Variants in ONECUT3 observed in about 807,000 individuals in gnomAD.
ONECUT3 encodes the protein one cut homeobox 3.
ONECUT3 carries 11 observed loss-of-function variants against 16.8 expected under a neutral mutation model. The observed-to-expected ratio is 0.66, with a 90% CI of 0.41 to 1.09. The LOEUF (loss-of-function observed/expected upper bound fraction) is 1.09, where lower values mean the gene tolerates loss of function less well. Ranked by LOEUF, ONECUT3 falls within the 50% of genes least tolerant of loss-of-function variation. The probability of loss-of-function intolerance (pLI) is 0.00; values close to 1 mark genes in which losing one functional copy is unlikely to be tolerated. For missense variants in ONECUT3, 637 were observed against 629.9 expected (o/e 1.01, Z -0.12); for synonymous variants, 344 against 310.7 (o/e 1.11, Z -1.13).
In ONECUT3 at chr19:1,762,256, C is replaced by G. The variant is rs2067950061; in HGVS notation, c.1192+7402C>G. Among the ~76,000 whole-genome samples the G allele has an allele frequency of 6.6e-6, 1 of 151,880 alleles. No individual in the cohort carries two copies. The highest frequency in any genetic ancestry group is 1.5e-5 in the Non-Finnish European group (1 of 68,010). On this transcript the variant is annotated intron_variant, in intron 1 of 1. Coordinates refer to ENST00000382349, the MANE Select transcript of ONECUT3 (RefSeq NM_001080488.2). This position sits in a 1 kb window ranked among gnomAD's most constrained non-coding sequence, Gnocchi z 4.4. Reference sequence around the variant, plus strand: ...CAGCTGCGCCCGCCAGCCCTCCAACCCTCCTGCCCTCCTGCCCTCCTGCCC... The same window carrying G: ...CAGCTGCGCCCGCCAGCCCTCCAACGCTCCTGCCCTCCTGCCCTCCTGCCC...
At chr19:1,768,585 C>T (rs1006870111) in intron 1 of ONECUT3, among the ~76,000 whole-genome samples, 1 of 152,194 alleles carries the variant, frequency 6.6e-6, no homozygotes, top group Non-Finnish European at 1.5e-5. Flanking sequence ...AGCTTGGTGG[C>T]CAAGGTCTGT....
Position 1,775,651 on chromosome 19 carries a change from C to A in ONECUT3, c.*206C>A. ...AGGGCCCCCCTTCCTCCCTCCATGCCCACTCCCTCCAGGCCAAAGGAAGCC... is the reference window on the plus strand; with the variant it reads ...AGGGCCCCCCTTCCTCCCTCCATGCACACTCCCTCCAGGCCAAAGGAAGCC... On this transcript the variant is annotated 3_prime_UTR_variant, in exon 2 of 2. Transcript: ENST00000382349. The A allele has an allele frequency of 2.1e-6, 1 of 485,232 alleles. No homozygotes were observed. Among genetic ancestry groups the A allele is most frequent in the Non-Finnish European group, 3.6e-6 (1 of 277,936 alleles). The allele number at this position is 485,232 out of a possible 1,614,324, so 30.1% of individuals were successfully genotyped here.
intron 1 of ONECUT3, among the ~76,000 whole-genome samples, chr19:1,767,269 C>A (rs2068000808): frequency 6.6e-6 from 1 of 152,074 alleles, no homozygotes; most frequent in Non-Finnish European, 1.5e-5. Context: ...TTAGCCCTGC[C>A]GTATTCATTC....
intron 1 of ONECUT3, among the ~76,000 whole-genome samples, chr19:1,771,325 C>T (rs1222217545): frequency 6.6e-6 from 1 of 152,092 alleles, no homozygotes; most frequent in East Asian, 1.9e-4. Flanking sequence ...TTTTTATTTA[C>T]CTCCTCGTTT....
intron 1 of ONECUT3, among the ~76,000 whole-genome samples, chr19:1,756,695 A>ATTTTTTTTTTTTTTTTTTTTTTT (rs58105449): frequency 4.0e-5 from 4 of 101,150 alleles, no homozygotes; most frequent in Non-Finnish European, 1.8e-5. Context: ...ACGCCTGGCT[A>ATTTTTTTTTTTTTTTTTTTTTTT]TTTTTTTTTT....
chr19:1,771,961 G>C (rs952497947), intron 1 of ONECUT3, among the ~76,000 whole-genome samples: 11 of 151,834 alleles, frequency 7.2e-5, no homozygotes, highest in Admixed American at 5.9e-4. Context: ...TTAGAGGCAT[G>C]AGCCACTTCA....
chr19:1,769,954 C>CGA (rs1379180330), intron 1 of ONECUT3, among the ~76,000 whole-genome samples: 5 of 152,220 alleles, frequency 3.3e-5, no homozygotes, highest in African/African-American at 1.2e-4. Flanking sequence ...GGGAAAGGGA[C>CGA]GATATGCATC....
chr19:1,775,084 G>C (rs1424887805), intron 1 of ONECUT3, 69 bp from the exon 2 acceptor site: 3 of 1,095,058 alleles, frequency 2.7e-6, no homozygotes, highest in Non-Finnish European at 3.8e-6. Flanking sequence ...TGCGCCTCCT[G>C]CCTCTCCCCG....
At chr19:1,765,428 G>A (rs1024069101) in intron 1 of ONECUT3, among the ~76,000 whole-genome samples, 3 of 152,130 alleles carry the variant, frequency 2.0e-5, no homozygotes, top group Non-Finnish European at 2.9e-5. Flanking sequence ...TGGAGCCCGC[G>A]CCTCCCCTCC....
At chr19:1,761,153 A>G (rs963532500) in intron 1 of ONECUT3, among the ~76,000 whole-genome samples, 3 of 149,676 alleles carry the variant, frequency 2.0e-5, no homozygotes, top group African/African-American at 7.4e-5. Flanking sequence ...CCCAGGTTCA[A>G]GTGATTCTCC....
Position 1,754,726 on chromosome 19 carries a change from C to T in ONECUT3, c.1064C>T (p.Thr355Met). 1 of 1,550,918 alleles carries T rather than the reference C, an allele frequency of 6.4e-7. No individual in the cohort carries two copies. Among genetic ancestry groups the T allele is most frequent in the East Asian group, 2.5e-5 (1 of 39,728 alleles). ...AQRILCRSQG[T>M]LSDLLRNPKP... The stretch of plus-strand genomic sequence containing the variant: ...CGGATCCTGTGTCGCTCTCAGGGCA[C>T]GCTCTCCGACCTGCTGCGCAACCCC... The change falls in exon 1 of 2, where the codon ACG (threonine) becomes ATG (methionine). Residue 355 changes from threonine to methionine, a missense_variant. Thr to Met is a moderately conservative substitution (Grantham distance 81). Around this residue, in one of 3 missense-constraint regions of ONECUT3, gnomAD observed 35 missense variants for 63.8 expected, o/e 0.55. Coordinates refer to ENST00000382349, the MANE Select transcript of ONECUT3 (RefSeq NM_001080488.2). The surrounding 1 kb of genome is among the most constrained non-coding windows in gnomAD (Gnocchi z 7.4).
rs1426087072 is a variant in ONECUT3, at chr19:1,764,715, T to C, written c.1192+9861T>C. Among the ~76,000 whole-genome samples, 1 of 150,172 alleles carries C rather than the reference T, an allele frequency of 6.7e-6. No homozygotes were observed. Among genetic ancestry groups the C allele is most frequent in the Non-Finnish European group, 1.5e-5 (1 of 67,734 alleles). On this transcript the variant is annotated intron_variant, in intron 1 of 1. Transcript: ENST00000382349. The surrounding 1 kb of genome is among the most constrained non-coding windows in gnomAD (Gnocchi z 5.0). ...GGGTGCAGGGTGTAGACAGAGGGTG[T>C]AGGTATGTGACCCGGGCCCCCCACA...
At position 1,766,812 on chromosome 19, in the gene ONECUT3, C is replaced by T. The variant is rs112257621; in HGVS notation, c.1193-8341C>T. On this transcript the variant is annotated intron_variant, in intron 1 of 1. Coordinates refer to ENST00000382349, the MANE Select transcript of ONECUT3 (RefSeq NM_001080488.2). The surrounding 1 kb of genome is among the most constrained non-coding windows in gnomAD (Gnocchi z 4.0). ...GGTCTTGCAGGCTGGGCTGAGACCC[C>T]CCCCCCATGCTCCACCACCCTCGTG... 1.4e-4 allele frequency among the ~76,000 whole-genome samples: 22 copies of T among 152,154 alleles called. No homozygotes were observed. Among genetic ancestry groups the T allele is most frequent in the Admixed American group, 1.4e-3 (21 of 15,296 alleles).
At chr19:1,763,141 A>G (rs2067955283) in intron 1 of ONECUT3, among the ~76,000 whole-genome samples, 1 of 151,852 alleles carries the variant, frequency 6.6e-6, no homozygotes, top group Non-Finnish European at 1.5e-5. Flanking sequence ...AGGTGGGTAG[A>G]TCATCTGAGG....
Position 1,754,972 on chromosome 19 carries a change from G to T in ONECUT3, c.1192+118G>T, listed in dbSNP as rs1031599652. ...GCCCCAAGCCCCGCCCGTGCGCCCC[G>T]GCAGCCCGGGACCCCCTATCAGGAA... On this transcript the variant is annotated intron_variant, in intron 1 of 1. Coordinates refer to ENST00000382349, the MANE Select transcript of ONECUT3 (RefSeq NM_001080488.2). This position sits in a 1 kb window ranked among gnomAD's most constrained non-coding sequence, Gnocchi z 7.4. The T allele has an allele frequency of 4.7e-5, 58 of 1,230,870 alleles. No homozygotes were observed. The highest frequency in any genetic ancestry group is 5.8e-5 in the Non-Finnish European group (57 of 974,840). 76.2% of individuals were successfully genotyped at this position (1,230,870 alleles called of 1,614,324 possible).
In ONECUT3 at chr19:1,776,209, T is replaced by C. The variant is rs944483132; in HGVS notation, c.*764T>C. On this transcript the variant is annotated 3_prime_UTR_variant, in exon 2 of 2. Coordinates refer to ENST00000382349, the MANE Select transcript of ONECUT3 (RefSeq NM_001080488.2). This position sits in a 1 kb window ranked among gnomAD's most constrained non-coding sequence, Gnocchi z 4.9. The stretch of plus-strand genomic sequence containing the variant: ...CCGCAGGGGACGGGGGGCTCCCACG[T>C]GCGGGTAAATTCCAGACGCCCCCGC... 2 of 150,988 alleles carry C rather than the reference T, an allele frequency of 1.3e-5. No individual in the cohort carries two copies. The highest frequency in any genetic ancestry group is 2.4e-5 in the African/African-American group (1 of 40,868). The allele number at this position is 150,988 out of a possible 1,614,324, so 9.4% of individuals were successfully genotyped here.
chr19:1,772,860 A>AT (rs759006591), intron 1 of ONECUT3, among the ~76,000 whole-genome samples: 5,449 of 107,146 alleles, frequency 0.051, 489 homozygotes, highest in African/African-American at 0.19. Context: ...CGTCCAGCTA[A>AT]TTTTTTTTTT....
rs563354489 is a variant in ONECUT3 at position 1,762,659 on chromosome 19, G to A, written c.1192+7805G>A. On this transcript the variant is annotated intron_variant, in intron 1 of 1. Coordinates refer to ENST00000382349, the MANE Select transcript of ONECUT3 (RefSeq NM_001080488.2). The surrounding 1 kb of genome is among the most constrained non-coding windows in gnomAD (Gnocchi z 4.4). ...CAGGAGACCCGGGACCCGGGACCAC[G>A]CGCCCGCGGCCTTGGAGCCTCAGGG... Among the ~76,000 whole-genome samples the A allele has an allele frequency of 8.6e-4, 131 of 152,362 alleles. No individual in the cohort carries two copies. Among genetic ancestry groups the A allele is most frequent in the African/African-American group, 3.1e-3 (128 of 41,588 alleles).
intron 1 of ONECUT3, among the ~76,000 whole-genome samples, chr19:1,773,056 C>T (rs1197957928): frequency 6.6e-6 from 1 of 152,052 alleles, no homozygotes; most frequent in African/African-American, 2.4e-5. Flanking sequence ...TTTACTCTGG[C>T]TGTTATATAT....
Sources: gnomAD v4.1 joint callset for allele counts (sites outside exome capture counted in the v4.1 genomes callset) on GRCh38, gnomAD v4.1.1 for gene constraint, gnomAD v4.1.1 regional missense constraint, Gnocchi (gnomAD v3.1) non-coding constraint, MANE v1.5 for transcripts, NCBI Gene and HGNC (gene_info 2026-07-23, HGNC 2026-07-21) for gene names.